Variants in FAM53B observed in about 807,000 individuals in gnomAD.
The protein encoded by FAM53B is family with sequence similarity 53 member B, also known as protein FAM53B.
In FAM53B, 12 loss-of-function variants were observed where a neutral mutation model predicts 32.7. The observed-to-expected ratio is 0.37, with a 90% CI of 0.24 to 0.59. The LOEUF is 0.59. FAM53B is among the 20% of genes least tolerant of loss of function. The pLI is 0.72. For synonymous variants in FAM53B, 234 were observed against 228.7 expected (o/e 1.02, Z -0.21); for missense variants, 477 against 577.7 (o/e 0.83, Z 1.79).
At chr10:124,715,635 G>A (rs4962688) in intron 1 of FAM53B, among the ~76,000 whole-genome samples, 133,832 of 152,280 alleles carry the variant, frequency 0.88, 61,305 homozygotes, top group Non-Finnish European at 1. Flanking sequence ...GCCTGCCCAC[G>A]GCAGCAACCT....
intron 4 of FAM53B, among the ~76,000 whole-genome samples, chr10:124,639,964 G>T (rs1330032165): frequency 6.6e-6 from 1 of 151,284 alleles, no homozygotes; most frequent in Non-Finnish European, 1.5e-5. Context: ...AGATCTGTCT[G>T]TTCAAAGCCT....
chr10:124,726,445 A>T (rs1950103941), intron 1 of FAM53B, among the ~76,000 whole-genome samples: 1 of 152,228 alleles, frequency 6.6e-6, no homozygotes, highest in African/African-American at 2.4e-5. Flanking sequence ...CCAACCACCC[A>T]GGTGCACAAT....
At chr10:124,706,490 T>TGCCCCAGCCCGGGAC in intron 2 of FAM53B, 146 bp downstream of exon 2, 1 of 905,624 alleles carries the variant, frequency 1.1e-6, no homozygotes, top group East Asian at 2.4e-5. Context: ...TGTGCCCTGT[T>TGCCCCAGCCCGGGAC]GCCCCAGCCC....
intron 4 of FAM53B, among the ~76,000 whole-genome samples, chr10:124,672,455 T>G (rs1316800241): frequency 2.0e-5 from 3 of 152,236 alleles, no homozygotes; most frequent in Non-Finnish European, 4.4e-5. Context: ...TTTCGCTGCA[T>G]CCTCTGAGGC....
intron 1 of FAM53B, among the ~76,000 whole-genome samples, chr10:124,731,424 T>C (rs1203647337): frequency 1.3e-5 from 2 of 152,204 alleles, no homozygotes; most frequent in Non-Finnish European, 2.9e-5. Flanking sequence ...TCCTTTTCAC[T>C]GGTTCTGTGC....
At chr10:124,706,172 G>A (rs909634080) in intron 2 of FAM53B, among the ~76,000 whole-genome samples, 1 of 152,130 alleles carries the variant, frequency 6.6e-6, no homozygotes, top group Admixed American at 6.5e-5. Context: ...TTTGGCAGAG[G>A]GTGGCTGTTG....
At chr10:124,686,229 A>G (rs1013625410) in intron 3 of FAM53B, among the ~76,000 whole-genome samples, 2 of 152,240 alleles carry the variant, frequency 1.3e-5, no homozygotes, top group African/African-American at 4.8e-5. Context: ...ATATGCAGAA[A>G]GGCTGGAAGT....
chr10:124,740,452 A>C (rs1368596467), intron 1 of FAM53B, among the ~76,000 whole-genome samples: 1 of 152,206 alleles, frequency 6.6e-6, no homozygotes, highest in Non-Finnish European at 1.5e-5. Context: ...AAACTGCGCT[A>C]CAACAAAAAT....
chr10:124,731,713 T>C (rs893926106), intron 1 of FAM53B, among the ~76,000 whole-genome samples: 1 of 152,014 alleles, frequency 6.6e-6, no homozygotes, highest in Non-Finnish European at 1.5e-5. Context: ...GGCTCCCTTC[T>C]AGCGTGCGGG....
intron 1 of FAM53B, among the ~76,000 whole-genome samples, chr10:124,725,791 G>A (rs1950098838): frequency 6.6e-6 from 1 of 152,196 alleles, no homozygotes; most frequent in Admixed American, 6.5e-5. Context: ...CAGCTTCCAT[G>A]AAGATGGCTG....
At chr10:124,728,820 T>C (rs1950123522) in intron 1 of FAM53B, among the ~76,000 whole-genome samples, 1 of 152,216 alleles carries the variant, frequency 6.6e-6, no homozygotes, top group Non-Finnish European at 1.5e-5. Context: ...GATAAAAATG[T>C]CATCAGGGAA....
At chr10:124,625,742 AAGG>A (rs1268652398) in intron 4 of FAM53B, among the ~76,000 whole-genome samples, 1 of 152,154 alleles carries the variant, frequency 6.6e-6, no homozygotes, top group Non-Finnish European at 1.5e-5. Context: ...GCCAGGACAG[AAGG>A]AGAACTGAGT....
chr10:124,743,119 T>TG, intron 1 of FAM53B: 1 of 12,160 alleles, frequency 8.2e-5, no homozygotes, highest in East Asian at 2.8e-3. Flanking sequence ...AGTCCGAAAA[T>TG]GGGGGTGGAG....
chr10:124,687,894 C>T (rs1949812418), intron 3 of FAM53B, among the ~76,000 whole-genome samples: 1 of 152,312 alleles, frequency 6.6e-6, no homozygotes. Context: ...CCATCCAGCA[C>T]CACTGCCCAG....
intron 3 of FAM53B, among the ~76,000 whole-genome samples, chr10:124,683,128 T>C (rs1949783395): frequency 6.6e-6 from 1 of 152,268 alleles, no homozygotes; most frequent in African/African-American, 2.4e-5. Flanking sequence ...CTTAAACTTA[T>C]GTATTCAGGT....
intron 1 of FAM53B, among the ~76,000 whole-genome samples, chr10:124,737,771 G>A (rs1185339226): frequency 6.6e-6 from 1 of 152,068 alleles, no homozygotes; most frequent in Non-Finnish European, 1.5e-5. Context: ...TGCAAACCTG[G>A]GTGAAAAAGA....
chr10:124,627,310 C>T (rs1437684369), intron 4 of FAM53B, among the ~76,000 whole-genome samples: 2 of 152,222 alleles, frequency 1.3e-5, no homozygotes, highest in Non-Finnish European at 2.9e-5. Context: ...GGGCAAGGTC[C>T]CGCCCCAGAG....
In FAM53B at chr10:124,675,601, G is replaced by A. The variant is rs141373314; in HGVS notation, c.906+6006C>T. Among the ~76,000 whole-genome samples the A allele has an allele frequency of 2.5e-3, 385 of 152,334 alleles. 1 individual carries two copies. Among genetic ancestry groups the A allele is most frequent in the Non-Finnish European group, 4.2e-3 (289 of 68,030 alleles). ...TCCCATTTTACAGACACAGACATGAGGCCTGGGGCACACAGCTCAAAAGTG... is the reference window on the plus strand; with the variant it reads ...TCCCATTTTACAGACACAGACATGAAGCCTGGGGCACACAGCTCAAAAGTG... On this transcript the variant is annotated intron_variant, in intron 4 of 4. Transcript: ENST00000337318.
intron 1 of FAM53B, among the ~76,000 whole-genome samples, chr10:124,718,759 G>T (rs968063570): frequency 2.6e-5 from 4 of 152,248 alleles, no homozygotes; most frequent in Admixed American, 6.5e-5. Flanking sequence ...GCAAAGAAGG[G>T]CTTCACCGCC....
Sources: allele counts gnomAD v4.1 joint callset (sites outside exome capture counted in the v4.1 genomes callset), GRCh38; gene constraint gnomAD v4.1.1; transcripts MANE v1.5; gene names NCBI Gene and HGNC (gene_info 2026-07-23, HGNC 2026-07-21).